The following GAP43 variants were observed in gnomAD, a reference collection of about 807,000 sequenced individuals.
GAP43 encodes the protein neuromodulin.
A neutral mutation model predicts 18.6 loss-of-function variants in GAP43; 6 were observed. The ratio of observed to expected loss-of-function variants is 0.32; its 90% CI spans 0.18 to 0.64. GAP43 has a LOEUF of 0.64. Ranked by LOEUF, GAP43 falls within the 30% of genes least tolerant of loss-of-function variation. The pLI, the probability that GAP43 is intolerant of heterozygous loss-of-function variation, is 0.78. For missense variants in GAP43, 292 were observed against 295.5 expected, an observed-to-expected ratio of 0.99 and a Z score of 0.09; for synonymous variants, 115 against 111.4, an observed-to-expected ratio of 1.03 and a Z score of -0.20.
intron 1 of GAP43, among the ~76,000 whole-genome samples, chr3:115,648,557 A>C (rs1708486455): frequency 1.3e-5 from 2 of 152,178 alleles, no homozygotes; most frequent in Admixed American, 1.3e-4. Flanking sequence ...TGAGGAAGAC[A>C]ATGATTTTTA....
chr3:115,657,355 TACCC>T (rs1708596493), intron 1 of GAP43, among the ~76,000 whole-genome samples: 1 of 152,204 alleles, frequency 6.6e-6, no homozygotes, highest in South Asian at 2.1e-4. Flanking sequence ...TTTGTTCAAC[TACCC>T]ATAGTTACCA....
intron 1 of GAP43, among the ~76,000 whole-genome samples, chr3:115,659,698 G>A (rs1317697422): frequency 6.6e-6 from 1 of 152,128 alleles, no homozygotes; most frequent in African/African-American, 2.4e-5. Context: ...ATCCCTAAAA[G>A]CTGATGACTG....
At chr3:115,669,540 G>T (rs2107485800) in intron 1 of GAP43, among the ~76,000 whole-genome samples, 1 of 152,272 alleles carries the variant, frequency 6.6e-6, no homozygotes, top group South Asian at 2.1e-4. Flanking sequence ...TTTTCTGTTT[G>T]AAGGCATCAG....
At chr3:115,696,575 A>ACCCCCC (rs1451962895) in intron 2 of GAP43, among the ~76,000 whole-genome samples, 1 of 32,716 alleles carries the variant, frequency 3.1e-5, no homozygotes, top group Non-Finnish European at 5.6e-5. Context: ...GCTGCCCCCC[A>ACCCCCC]CCGCCCCCCC....
At chr3:115,706,752 C>T (rs1402642865) in intron 2 of GAP43, among the ~76,000 whole-genome samples, 1 of 152,042 alleles carries the variant, frequency 6.6e-6, no homozygotes, top group Non-Finnish European at 1.5e-5. Context: ...TTTTTCACTC[C>T]ACAAGCAGAA....
At chr3:115,704,575 T>C (rs1272277488) in intron 2 of GAP43, among the ~76,000 whole-genome samples, 5 of 152,104 alleles carry the variant, frequency 3.3e-5, no homozygotes, top group African/African-American at 1.2e-4. Flanking sequence ...AAATTACTTT[T>C]GGTAGGCCTT....
At chr3:115,708,224 A>G (rs529161204) in intron 2 of GAP43, among the ~76,000 whole-genome samples, 1 of 152,370 alleles carries the variant, frequency 6.6e-6, no homozygotes, top group South Asian at 2.1e-4. Context: ...AAACTATGAT[A>G]TAATGCAAGG....
chr3:115,645,823 T>C (rs138828850), intron 1 of GAP43, among the ~76,000 whole-genome samples: 29 of 152,146 alleles, frequency 1.9e-4, no homozygotes, highest in African/African-American at 6.7e-4. Flanking sequence ...CTCTTCATCA[T>C]TGGCTGTGGC....
intron 2 of GAP43, among the ~76,000 whole-genome samples, chr3:115,720,006 G>T (rs1163732141): frequency 6.6e-6 from 1 of 152,192 alleles, no homozygotes; most frequent in African/African-American, 2.4e-5. Flanking sequence ...TTTCCCTGTG[G>T]ATAAGTGTAT....
intron 1 of GAP43, among the ~76,000 whole-genome samples, chr3:115,656,316 A>T (rs922212882): frequency 1.3e-5 from 2 of 152,198 alleles, no homozygotes; most frequent in African/African-American, 4.8e-5. Context: ...GAAAATTCTG[A>T]ATTGTTTAAT....
chr3:115,653,930 T>A (rs1708552731), intron 1 of GAP43, among the ~76,000 whole-genome samples: 1 of 152,172 alleles, frequency 6.6e-6, no homozygotes, highest in African/African-American at 2.4e-5. Context: ...TTAGCCCTAA[T>A]GAACATTTTC....
chr3:115,705,065 A>G (rs2107370945), intron 2 of GAP43, among the ~76,000 whole-genome samples: 1 of 152,190 alleles, frequency 6.6e-6, no homozygotes, highest in African/African-American at 2.4e-5. Context: ...CCATAAGGGA[A>G]AATTAAACAA....
intron 1 of GAP43, among the ~76,000 whole-genome samples, chr3:115,651,705 C>G (rs1708519806): frequency 6.6e-6 from 1 of 152,140 alleles, no homozygotes. Context: ...TTTTCTTAAA[C>G]ACATGTAATC....
chr3:115,650,333 A>G (rs1371757708), intron 1 of GAP43, among the ~76,000 whole-genome samples: 1 of 152,154 alleles, frequency 6.6e-6, no homozygotes, highest in African/African-American at 2.4e-5. Flanking sequence ...CGAGGGCATT[A>G]TAGTATATCC....
At chr3:115,626,089 T>A (rs1364677077) in intron 1 of GAP43, among the ~76,000 whole-genome samples, 1 of 152,226 alleles carries the variant, frequency 6.6e-6, no homozygotes, top group Non-Finnish European at 1.5e-5. Context: ...GGGCTCACAC[T>A]ACACTGACTG....
chr3:115,698,280 T>TATATTATATATA (rs1709246372), intron 2 of GAP43, among the ~76,000 whole-genome samples: 2 of 4,646 alleles, frequency 4.3e-4, no homozygotes, highest in Non-Finnish European at 9.0e-4. Flanking sequence ...ATATTATATA[T>TATATTATATATA]AAATATAATA....
chr3:115,719,268 G>GA (rs34600347), intron 2 of GAP43, among the ~76,000 whole-genome samples: 218 of 148,666 alleles, frequency 1.5e-3, no homozygotes, highest in African/African-American at 4.2e-3. Flanking sequence ...AGGGATTGAG[G>GA]AAAAAAAAAA....
intron 2 of GAP43, among the ~76,000 whole-genome samples, chr3:115,713,424 C>T (rs1709465314): frequency 6.6e-6 from 1 of 152,154 alleles, no homozygotes; most frequent in Non-Finnish European, 1.5e-5. Flanking sequence ...TAATGTAGGG[C>T]TGTGGAAGGG....
intron 2 of GAP43, among the ~76,000 whole-genome samples, chr3:115,717,235 G>C (rs1195215615): frequency 6.6e-6 from 1 of 152,014 alleles, no homozygotes; most frequent in Admixed American, 6.6e-5. Context: ...TGTTACCCTT[G>C]AAGAGTTTAT....
Sources: allele counts gnomAD v4.1 joint callset (sites outside exome capture counted in the v4.1 genomes callset), GRCh38; gene constraint gnomAD v4.1.1; transcripts MANE v1.5; gene names NCBI Gene and HGNC (gene_info 2026-07-23, HGNC 2026-07-21).